SOBP: variants seen among roughly 807,000 people sequenced by gnomAD.
SOBP encodes the protein sine oculis binding protein homolog.
A neutral mutation model predicts 53.6 loss-of-function variants in SOBP; 4 were observed. The observed-to-expected ratio is 0.07, with a 90% CI of 0.04 to 0.17. SOBP has a LOEUF of 0.17. Among genes scored for constraint, SOBP ranks in the 10% least tolerant of loss-of-function variants. The probability of loss-of-function intolerance (pLI) is 1.00; values close to 1 mark genes in which losing one functional copy is unlikely to be tolerated. For synonymous variants in SOBP, 584 were observed against 522.6 expected, an observed-to-expected ratio of 1.12 and a Z score of -1.60; for missense variants, 1,088 against 1,204.7, an observed-to-expected ratio of 0.90 and a Z score of 1.43.
At chr6:107,500,342 T>C (rs1257953533) in intron 1 of SOBP, among the ~76,000 whole-genome samples, 1 of 149,784 alleles carries the variant, frequency 6.7e-6, no homozygotes, top group African/African-American at 2.5e-5. Flanking sequence ...ATCATGCCAT[T>C]GCACTCCAGC....
intron 3 of SOBP, among the ~76,000 whole-genome samples, chr6:107,524,296 A>T (rs1162274202): frequency 6.6e-6 from 1 of 152,170 alleles, no homozygotes. Flanking sequence ...TGTGGACTAG[A>T]TGCTGAGTAG....
At chr6:107,543,332 A>G (rs989855808) in intron 4 of SOBP, among the ~76,000 whole-genome samples, 2 of 152,206 alleles carry the variant, frequency 1.3e-5, no homozygotes, top group South Asian at 4.1e-4. Context: ...AATCAGGGCT[A>G]CACACTTTCT....
intron 4 of SOBP, among the ~76,000 whole-genome samples, chr6:107,581,945 A>G (rs1785416926): frequency 6.6e-6 from 1 of 152,162 alleles, no homozygotes; most frequent in Non-Finnish European, 1.5e-5. Context: ...GCTGCAGCAT[A>G]GGAGGGCTAA....
intron 4 of SOBP, among the ~76,000 whole-genome samples, chr6:107,545,689 T>C (rs1485363532): frequency 6.6e-6 from 1 of 151,942 alleles, no homozygotes; most frequent in East Asian, 1.9e-4. Context: ...AGATGACCCT[T>C]ATAAGGCTAG....
In SOBP at chr6:107,533,444, A is replaced by C. The variant is rs1783901231; in HGVS notation, c.422-15A>C. ...TGCTTCTGATATGAACATTTTTCTT[A>C]TACTTTTATTATAGAAGATGATGTG... On this transcript the variant is annotated splice_polypyrimidine_tract_variant and intron_variant, in intron 3 of 6. Transcript: ENST00000317357. 4 of 1,613,822 alleles carry C rather than the reference A, an allele frequency of 2.5e-6. No individual in the cohort carries two copies. The highest frequency in any genetic ancestry group is 1.3e-5 in the African/African-American group (1 of 74,890).
intron 5 of SOBP, among the ~76,000 whole-genome samples, chr6:107,610,590 C>G (rs1786552590): frequency 6.6e-6 from 1 of 152,196 alleles, no homozygotes; most frequent in Non-Finnish European, 1.5e-5. Flanking sequence ...AGAGTGGGAG[C>G]CTGAGGAGAA....
At position 107,659,164 on chromosome 6, in the gene SOBP, C is replaced by G. The variant is rs1772192190; in HGVS notation, c.*961C>G. The G allele has an allele frequency of 6.6e-6, 1 of 152,582 alleles. No individual in the cohort carries two copies. Among genetic ancestry groups the G allele is most frequent in the Admixed American group, 6.5e-5 (1 of 15,276 alleles). 9.5% of individuals were successfully genotyped at this position (152,582 alleles called of 1,614,324 possible). On this transcript the variant is annotated 3_prime_UTR_variant, in exon 7 of 7. Transcript: ENST00000317357. Reference sequence around the variant, plus strand: ...GATGGTTTTCGGTGATCCAGGAAGTCAGTGAGACAATCTCTCTATATGCAG... The same window carrying G: ...GATGGTTTTCGGTGATCCAGGAAGTGAGTGAGACAATCTCTCTATATGCAG...
At chr6:107,592,911 A>G (rs1454794320) in intron 5 of SOBP, among the ~76,000 whole-genome samples, 1 of 152,226 alleles carries the variant, frequency 6.6e-6, no homozygotes, top group East Asian at 1.9e-4. Context: ...TAGACTAAGC[A>G]AGAGGCAGTT....
At chr6:107,517,889 T>G (rs946337520) in intron 3 of SOBP, among the ~76,000 whole-genome samples, 3 of 152,194 alleles carry the variant, frequency 2.0e-5, no homozygotes, top group South Asian at 2.1e-4. Flanking sequence ...GTTTGCTGAT[T>G]TTAAAAAATC....
intron 4 of SOBP, among the ~76,000 whole-genome samples, chr6:107,534,179 A>G (rs1165296460): frequency 3.3e-5 from 5 of 152,222 alleles, no homozygotes; most frequent in Admixed American, 6.5e-5. Flanking sequence ...ACAGCCAAGC[A>G]TTTGTGAGGA....
intron 4 of SOBP, among the ~76,000 whole-genome samples, chr6:107,547,961 C>T (rs1455666337): frequency 6.6e-6 from 1 of 152,188 alleles, no homozygotes; most frequent in Non-Finnish European, 1.5e-5. Context: ...ATTTAGACTA[C>T]TGCAGGTGAA....
At chr6:107,561,765 C>T (rs767359808) in intron 4 of SOBP, among the ~76,000 whole-genome samples, 11 of 152,094 alleles carry the variant, frequency 7.2e-5, no homozygotes, top group African/African-American at 1.2e-4. Context: ...TCAAAGCTTC[C>T]GGAAGACTGA....
At position 107,634,941 on chromosome 6, in the gene SOBP, C is replaced by G. The variant is rs1335590612; in HGVS notation, c.2097C>G (p.Ser699Arg). The G allele has an allele frequency of 9.3e-7, 1 of 1,080,612 alleles. No individual in the cohort carries two copies. The highest frequency in any genetic ancestry group is 1.7e-5 in the African/African-American group (1 of 59,056). 66.9% of individuals were successfully genotyped at this position (1,080,612 alleles called of 1,614,324 possible). The change falls in exon 6 of 7, where the codon AGC becomes AGG. Residue 699 changes from serine (S) to arginine (R), a missense_variant. By Grantham distance (110) the Ser-to-Arg change is moderately radical. Around this residue, in one of 6 missense-constraint regions of SOBP, gnomAD observed 665 missense variants for 629.7 expected, o/e 1.06. Coordinates refer to ENST00000317357, the MANE Select transcript of SOBP (RefSeq NM_018013.4). The surrounding 1 kb of genome is among the most constrained non-coding windows in gnomAD (Gnocchi z 4.5). The stretch of plus-strand genomic sequence containing the variant: ...GCGGCTGCAGGGACGGCCACTGCAG[C>G]CCGCCCGCCGCCGGCGACCCAGGCC... ...TCGGCRDGHC[S>R]PPAAGDPGPG...
chr6:107,574,127 A>G (rs1402950563), intron 4 of SOBP, among the ~76,000 whole-genome samples: 1 of 152,242 alleles, frequency 6.6e-6, no homozygotes, highest in Non-Finnish European at 1.5e-5. Context: ...TGCATCCTAC[A>G]GTTTATGGAA....
chr6:107,517,693 A>G (rs1783360692), intron 3 of SOBP, among the ~76,000 whole-genome samples: 2 of 152,232 alleles, frequency 1.3e-5, no homozygotes, highest in South Asian at 4.1e-4. Flanking sequence ...TTGATTCTCT[A>G]CTTCACATCA....
chr6:107,535,639 T>TGTGTG lies in SOBP; in HGVS notation c.573+2029_573+2030insGTGTG, dbSNP rs1315066849. Among the ~76,000 whole-genome samples, 986 of 129,668 alleles carry TGTGTG rather than the reference T, an allele frequency of 7.6e-3. 16 individuals carry two copies. The East Asian group carries it at 0.088, about 12-fold the overall frequency. The allele number at this position is 129,668 out of a possible 152,430, so 85.1% of individuals were successfully genotyped here. ...TGTGTGTGTGTGTGTGTGTGTGTGT[T>TGTGTG]TTTTTTTTTTCCAAATAGAGAAATA... On this transcript the variant is annotated intron_variant, in intron 4 of 6. Coordinates refer to ENST00000317357, the MANE Select transcript of SOBP (RefSeq NM_018013.4).
chr6:107,554,642 G>T (rs985211670), intron 4 of SOBP, among the ~76,000 whole-genome samples: 1 of 152,170 alleles, frequency 6.6e-6, no homozygotes, highest in Non-Finnish European at 1.5e-5. Context: ...CCACCAATCT[G>T]CAGAAGTCTA....
intron 6 of SOBP, among the ~76,000 whole-genome samples, chr6:107,657,871 G>A (rs1772133560): frequency 6.6e-6 from 1 of 151,830 alleles, no homozygotes; most frequent in South Asian, 2.1e-4. Context: ...TGCTGGTTAA[G>A]CATGCAGTCA....
chr6:107,579,033 A>G (rs1785323138), intron 4 of SOBP, among the ~76,000 whole-genome samples: 2 of 152,212 alleles, frequency 1.3e-5, no homozygotes, highest in South Asian at 4.1e-4. Context: ...AGGTCTATTA[A>G]TTAAGGATTT....
Sources: allele counts gnomAD v4.1 joint callset (sites outside exome capture counted in the v4.1 genomes callset), GRCh38; gene constraint gnomAD v4.1.1; regional missense constraint gnomAD v4.1.1; non-coding constraint Gnocchi (gnomAD v3.1); transcripts MANE v1.5; gene names NCBI Gene and HGNC (gene_info 2026-07-23, HGNC 2026-07-21).